CEP120: variants seen among roughly 807,000 people sequenced by gnomAD.
CEP120 encodes the protein centrosomal protein of 120 kDa.
Under a neutral mutation model 126.5 loss-of-function variants are expected in CEP120, and 113 were observed. The ratio of observed to expected loss-of-function variants is 0.89; its 90% confidence interval spans 0.77 to 1.04. The LOEUF (loss-of-function observed/expected upper bound fraction) is 1.04. Ranked by LOEUF, CEP120 falls within the 50% of genes least tolerant of loss-of-function variation. The probability of loss-of-function intolerance (pLI) is 0.00; values close to 1 mark genes in which losing one functional copy is unlikely to be tolerated. For synonymous variants in CEP120, 400 were observed against 394.3 expected, an observed-to-expected ratio of 1.01 and a Z score of -0.17; for missense variants, 1,230 against 1,155.7, an observed-to-expected ratio of 1.06 and a Z score of -0.93.
chr5:123,352,822 A>T (rs1769286760), intron 18 of CEP120, among the ~76,000 whole-genome samples: 1 of 152,030 alleles, frequency 6.6e-6, no homozygotes, highest in South Asian at 2.1e-4. Flanking sequence ...TTACCTAATT[A>T]TGTAGGTCTT....
At chr5:123,353,257 T>C (rs1208567221) in intron 18 of CEP120, among the ~76,000 whole-genome samples, 2 of 151,974 alleles carry the variant, frequency 1.3e-5, no homozygotes, top group Non-Finnish European at 2.9e-5. Context: ...AAACTCTTTA[T>C]TAGATTAACA....
intron 4 of CEP120, chr5:123,403,572 AAG>A (rs1394050913): frequency 8.6e-5 from 28 of 324,056 alleles, no homozygotes; most frequent in Middle Eastern, 1.1e-3. Flanking sequence ...TGCCCCACAA[AAG>A]AGTTATTAAT....
chr5:123,416,196 C>A, intron 2 of CEP120, 72 bp from the exon 3 acceptor site: 2 of 831,316 alleles, frequency 2.4e-6, no homozygotes, highest in Non-Finnish European at 2.0e-6. Context: ...AAAATATTTC[C>A]TATTATCAAG....
In CEP120 at chr5:123,354,554, T is replaced by A. The variant is rs1237100594; in HGVS notation, c.2581-4465A>T. 2.1e-4 allele frequency among the ~76,000 whole-genome samples: 32 copies of A among 152,084 alleles called. 1 individual carries two copies. The highest frequency in any genetic ancestry group is 2.1e-3 in the Admixed American group (32 of 15,240). ...TTTAGCTCTATTAATTTTTTTTATC[T>A]AATTTGTTGCTGTGTTACCAGGTAC... is the stretch of plus-strand genomic sequence containing the variant. On this transcript the variant is annotated intron_variant, in intron 18 of 19. Transcript: ENST00000306467.
At chr5:123,378,245 G>A in intron 15 of CEP120, 91 bp downstream of exon 15, 1 of 904,706 alleles carries the variant, frequency 1.1e-6, no homozygotes, top group South Asian at 2.0e-5. Context: ...TCTCTCTCGG[G>A]ACTCTTTTGC....
chr5:123,349,269 T>C (rs1769039031), intron 19 of CEP120, among the ~76,000 whole-genome samples: 1 of 152,178 alleles, frequency 6.6e-6, no homozygotes. Context: ...TGAATAATGT[T>C]TAAGCTCTGT....
chr5:123,391,428 CA>C, intron 6 of CEP120, 91 bp from the exon 7 acceptor site: 1 of 1,006,248 alleles, frequency 9.9e-7, no homozygotes, highest in Non-Finnish European at 1.5e-6. Flanking sequence ...TAAAATGATG[CA>C]TGGAAAGAAA....
chr5:123,419,143 C>T (rs1300859822), intron 1 of CEP120, among the ~76,000 whole-genome samples: 1 of 152,138 alleles, frequency 6.6e-6, no homozygotes, highest in Non-Finnish European at 1.5e-5. Flanking sequence ...CTAACAAGAT[C>T]CAAGGTGATG....
intron 1 of CEP120, chr5:123,422,405 C>A (rs1033714486): frequency 9.5e-7 from 1 of 1,055,796 alleles, no homozygotes; most frequent in African/African-American, 1.6e-5. Flanking sequence ...TCTTACATTC[C>A]CAGCACAGTG....
chr5:123,393,747 C>T (rs1029799801), intron 5 of CEP120, among the ~76,000 whole-genome samples: 2 of 152,114 alleles, frequency 1.3e-5, no homozygotes, highest in Admixed American at 6.5e-5. Context: ...TCATTGCATT[C>T]AACTGGTCCA....
chr5:123,359,757 G>A (rs1580641937), intron 18 of CEP120, among the ~76,000 whole-genome samples: 1 of 152,026 alleles, frequency 6.6e-6, no homozygotes, highest in African/African-American at 2.4e-5. Flanking sequence ...GTACGGTTGT[G>A]AATCAAAAGA....
chr5:123,371,936 G>C (rs924220662), intron 17 of CEP120, among the ~76,000 whole-genome samples: 2 of 151,982 alleles, frequency 1.3e-5, no homozygotes, highest in African/African-American at 2.4e-5. Context: ...TTTTAATCAT[G>C]CCTAAAAGTT....
Position 123,391,419 on chromosome 5 carries a change from A to G in CEP120, c.811-82T>C, listed in dbSNP as rs968028690. On this transcript the variant is annotated intron_variant, in intron 6 of 19. Transcript: ENST00000306467. ...TATCATAAACTTAATAAGAAGTTGT[A>G]AAATGATGCATGGAAAGAAAATATT... The G allele has an allele frequency of 3.2e-5, 35 of 1,081,404 alleles. No individual in the cohort carries two copies. The South Asian group carries it at 5.2e-4, about 16-fold the overall frequency. 67.0% of individuals were successfully genotyped at this position (1,081,404 alleles called of 1,614,324 possible).
At chr5:123,418,564 C>T (rs781730790) in intron 1 of CEP120, 49 bp from the exon 2 acceptor site, 2 of 1,453,592 alleles carry the variant, frequency 1.4e-6, no homozygotes, top group Non-Finnish European at 1.9e-6. Flanking sequence ...AAAAATCAAA[C>T]AGGATCATTT....
intron 1 of CEP120, among the ~76,000 whole-genome samples, chr5:123,421,432 C>T (rs1290803036): frequency 6.6e-6 from 1 of 152,170 alleles, no homozygotes; most frequent in Non-Finnish European, 1.5e-5. Flanking sequence ...TCCCAATTAG[C>T]ACTAACAGGC....
Position 123,418,419 on chromosome 5 carries a change from T to C in CEP120, c.146A>G (p.Gln49Arg). 6.2e-7 allele frequency: 1 copy of C among 1,612,250 alleles called. No homozygotes were observed. Among genetic ancestry groups the C allele is most frequent in the East Asian group, 2.2e-5 (1 of 44,868 alleles). Reference sequence around the variant, plus strand: ...AGCTAACTCAGTAGCAAATTCTGGCTGGTCAGTGTGGTCCACAGGATCAGT... The same window carrying C: ...AGCTAACTCAGTAGCAAATTCTGGCCGGTCAGTGTGGTCCACAGGATCAGT... ...LATDPVDHTD[Q>R]PEFATELAWE... The change falls in exon 2 of 20, where the codon CAG (glutamine) becomes CGG (arginine). Residue 49 changes from glutamine to arginine, a missense_variant. By Grantham distance (43) the Gln-to-Arg change is conservative (BLOSUM62 1). Transcript: ENST00000306467.
Position 123,346,426 on chromosome 5 carries a change from C to A in CEP120, c.*93G>T. ...TTTGCTTATAAAAAATTGAAAATAC[C>A]ATTTTAAAACATCCATTTTCCTCAC... On this transcript the variant is annotated 3_prime_UTR_variant, in exon 20 of 20. Coordinates refer to ENST00000306467, the MANE Select transcript of CEP120 (RefSeq NM_001375405.1). 1.5e-5 allele frequency: 14 copies of A among 923,198 alleles called. No individual in the cohort carries two copies. The highest frequency in any genetic ancestry group is 3.0e-5 in the Admixed American group (1 of 33,000). 57.2% of individuals were successfully genotyped at this position (923,198 alleles called of 1,614,324 possible). A position where few individuals can be genotyped will look rare whatever the true frequency, so the allele number is the denominator to read the frequency against.
At chr5:123,401,036 G>A (rs1388122294) in intron 4 of CEP120, 1 of 1,567,102 alleles carries the variant, frequency 6.4e-7, no homozygotes, top group African/African-American at 1.3e-5. Context: ...CCAGGCCGTA[G>A]CTGAGGCCGG....
intron 14 of CEP120, among the ~76,000 whole-genome samples, chr5:123,378,892 G>C (rs1216117229): frequency 6.6e-6 from 1 of 151,908 alleles, no homozygotes. Flanking sequence ...CAAGGAGTGA[G>C]TATACAGAGA....
Sources: allele counts gnomAD v4.1 joint callset (sites outside exome capture counted in the v4.1 genomes callset), GRCh38; gene constraint gnomAD v4.1.1; transcripts MANE v1.5; gene names NCBI Gene and HGNC (gene_info 2026-07-23, HGNC 2026-07-21).